The following FHIP2A variants were observed in gnomAD, a reference collection of about 807,000 sequenced individuals.
FHIP2A encodes the protein family with sequence similarity 160 member B1.
In FHIP2A, 46 loss-of-function variants were observed where a neutral mutation model predicts 93.5. The observed-to-expected ratio is 0.49, with a 90% CI of 0.39 to 0.63. The LOEUF (loss-of-function observed/expected upper bound fraction) is 0.63, where lower values mean the gene tolerates loss of function less well. FHIP2A is among the 20% of genes least tolerant of loss of function. The probability of loss-of-function intolerance (pLI) is 0.00; values close to 1 mark genes in which losing one functional copy is unlikely to be tolerated. For synonymous variants in FHIP2A, 332 were observed against 326.5 expected (o/e 1.02, Z -0.18); for missense variants, 769 against 909.7 (o/e 0.85, Z 1.99).
In FHIP2A at chr10:114,836,106, A is replaced by C. The variant is rs1592015684; in HGVS notation, c.400-18A>C. The C allele has an allele frequency of 1.9e-6, 3 of 1,545,324 alleles. No homozygotes were observed. The highest frequency in any genetic ancestry group is 1.8e-6 in the Non-Finnish European group (2 of 1,134,342). ...AAGTAGCCTAAGTTTAAAAAGTTAA[A>C]AACAATTGTTTTCACAGAAATTAAT... On this transcript the variant is annotated intron_variant, in intron 4 of 16. Transcript: ENST00000369248.
At chr10:114,876,252 G>A (rs565632440) in intron 16 of FHIP2A, among the ~76,000 whole-genome samples, 1 of 152,288 alleles carries the variant, frequency 6.6e-6, no homozygotes, top group East Asian at 1.9e-4. Context: ...TCCCCAAGGA[G>A]CGCTGTGGAC....
chr10:114,899,597 C>T (rs940836707), exon 17 of FHIP2A: 3 of 713,834 alleles, frequency 4.2e-6, no homozygotes, highest in Non-Finnish European at 7.8e-6. Flanking sequence ...AAATCTTGGG[C>T]CTTGGATCAA....
At chr10:114,823,861 A>G (rs974277799) in intron 1 of FHIP2A, among the ~76,000 whole-genome samples, 19 of 152,266 alleles carry the variant, frequency 1.2e-4, no homozygotes, top group Admixed American at 1.0e-3. Context: ...CTTGGTAATC[A>G]AAATTTACTA....
chr10:114,838,236 T>G (rs1333320686), intron 5 of FHIP2A, among the ~76,000 whole-genome samples: 1 of 152,196 alleles, frequency 6.6e-6, no homozygotes, highest in Non-Finnish European at 1.5e-5. Flanking sequence ...TAGATGGGTT[T>G]GTTTTCTATT....
intron 16 of FHIP2A, among the ~76,000 whole-genome samples, chr10:114,882,228 GCA>G (rs937873044): frequency 3.3e-5 from 5 of 152,172 alleles, no homozygotes; most frequent in African/African-American, 1.2e-4. Flanking sequence ...CCTAAGGCAG[GCA>G]CCTCTCAGCG....
chr10:114,834,483 A>C (rs2083625673), intron 3 of FHIP2A, among the ~76,000 whole-genome samples: 1 of 152,204 alleles, frequency 6.6e-6, no homozygotes, highest in Admixed American at 6.5e-5. Flanking sequence ...CTAGCTTAAA[A>C]ATATTGTGCA....
rs533537333 is a variant in FHIP2A at position 114,860,700 on chromosome 10, C to G, written c.1948-49C>G. The G allele has an allele frequency of 8.7e-5, 122 of 1,410,150 alleles. 1 individual carries two copies. In the South Asian group the frequency reaches 1.3e-3, roughly 16 times the overall value. The allele number at this position is 1,410,150 out of a possible 1,614,324, so 87.4% of individuals were successfully genotyped here. ...AAATTGAAATAGTAAATTAAGCACA[C>G]CGGTATACATTATTTTTAAATGTCT... On this transcript the variant is annotated intron_variant, in intron 14 of 16. Transcript: ENST00000369248.
At chr10:114,895,870 A>G (rs1279885124) in intron 16 of FHIP2A, among the ~76,000 whole-genome samples, 3 of 152,212 alleles carry the variant, frequency 2.0e-5, no homozygotes, top group African/African-American at 7.2e-5. Flanking sequence ...AAGGCATATC[A>G]GTTAGCCTCT....
At chr10:114,875,075 C>T (rs1413133122) in intron 16 of FHIP2A, among the ~76,000 whole-genome samples, 2 of 152,210 alleles carry the variant, frequency 1.3e-5, no homozygotes, top group Non-Finnish European at 2.9e-5. Flanking sequence ...TTGCATTAAA[C>T]ATGAGGCGCC....
chr10:114,838,333 A>T (rs1039147817), intron 5 of FHIP2A, among the ~76,000 whole-genome samples: 1 of 152,152 alleles, frequency 6.6e-6, no homozygotes, highest in Non-Finnish European at 1.5e-5. Context: ...CATGAATTTA[A>T]ATTTCTAGGT....
chr10:114,884,243 G>A (rs1336400710), intron 16 of FHIP2A, among the ~76,000 whole-genome samples: 2 of 152,178 alleles, frequency 1.3e-5, no homozygotes, highest in South Asian at 4.1e-4. Flanking sequence ...GTTAGAATGA[G>A]CCCTTCCCAG....
intron 13 of FHIP2A, among the ~76,000 whole-genome samples, chr10:114,852,286 G>A (rs2143012251): frequency 6.6e-6 from 1 of 152,190 alleles, no homozygotes; most frequent in Non-Finnish European, 1.5e-5. Flanking sequence ...CATTCATTCT[G>A]TCATGAATTC....
At chr10:114,842,636 T>C (rs1421909229) in intron 5 of FHIP2A, among the ~76,000 whole-genome samples, 3 of 152,194 alleles carry the variant, frequency 2.0e-5, no homozygotes, top group Non-Finnish European at 4.4e-5. Flanking sequence ...CTGAAACTTT[T>C]TTCCTCACTA....
intron 13 of FHIP2A, among the ~76,000 whole-genome samples, chr10:114,850,199 G>A (rs891024597): frequency 1.3e-5 from 2 of 152,084 alleles, no homozygotes; most frequent in African/African-American, 4.8e-5. Flanking sequence ...TTTTCACAGT[G>A]GTGGCACCAT....
chr10:114,848,311 T>G (rs1422229923), intron 12 of FHIP2A, among the ~76,000 whole-genome samples: 1 of 152,178 alleles, frequency 6.6e-6, no homozygotes, highest in African/African-American at 2.4e-5. Context: ...TGGCAGTCTG[T>G]CATTATACAG....
rs367804792 is a variant in FHIP2A at position 114,899,505 on chromosome 10, A to G, written c.2208A>G (p.Ser736=). 6.3e-4 allele frequency: 454 copies of G among 718,524 alleles called. 3 individuals are homozygous for G. The African/African-American group carries it at 6.5e-3, about 10-fold the overall frequency. 44.5% of individuals were successfully genotyped at this position (718,524 alleles called of 1,614,324 possible). ...TTATCCTCAGGCAGACGTTGCCTTCATGGTGGTAAGAGGGATTCCAGAGTC... is the reference window on the plus strand; with the variant it reads ...TTATCCTCAGGCAGACGTTGCCTTCGTGGTGGTAAGAGGGATTCCAGAGTC... Residue 736 remains serine, a synonymous_variant, in exon 17 of 17, where the codon TCA becomes TCG. Transcript: ENST00000369250.
chr10:114,844,747 C>G (rs1334008245), intron 7 of FHIP2A, among the ~76,000 whole-genome samples: 1 of 152,036 alleles, frequency 6.6e-6, no homozygotes, highest in Admixed American at 6.6e-5. Flanking sequence ...GAGGAGCTAT[C>G]CCAGTGTTTT....
At chr10:114,858,675 G>T (rs1298492607) in intron 14 of FHIP2A, among the ~76,000 whole-genome samples, 1 of 147,570 alleles carries the variant, frequency 6.8e-6, no homozygotes, top group African/African-American at 2.5e-5. Context: ...TGAATTCATT[G>T]TTTATTATGA....
At chr10:114,866,077 A>G (rs928890580), downstream of FHIP2A, among the ~76,000 whole-genome samples, 2 of 152,062 alleles carry the variant, frequency 1.3e-5, no homozygotes, top group South Asian at 2.1e-4. Flanking sequence ...CCCATCACCC[A>G]GGTATTAAGC....
Sources: allele counts gnomAD v4.1 joint callset (sites outside exome capture counted in the v4.1 genomes callset), GRCh38; gene constraint gnomAD v4.1.1; transcripts MANE v1.5; gene names NCBI Gene and HGNC (gene_info 2026-07-23, HGNC 2026-07-21).